Variants in TTC7A observed in about 807,000 individuals in gnomAD.
TTC7A encodes the protein tetratricopeptide repeat domain 7A, also known as tetratricopeptide repeat protein 7A.
In TTC7A, 110 loss-of-function variants were observed where a neutral mutation model predicts 103.7. The ratio of observed to expected loss-of-function variants is 1.06; its 90% CI spans 0.91 to 1.24. TTC7A has a LOEUF of 1.24. Among genes scored for constraint, TTC7A ranks in the 50% most tolerant of loss-of-function variants. The pLI, the probability that TTC7A is intolerant of heterozygous loss-of-function variation, is 0.00. For synonymous variants in TTC7A, 521 were observed against 467.9 expected, an observed-to-expected ratio of 1.11 and a Z score of -1.47; for missense variants, 1,340 against 1,116.3, an observed-to-expected ratio of 1.20 and a Z score of -2.86.
intron 18 of TTC7A, among the ~76,000 whole-genome samples, chr2:47,059,727 C>T (rs1277113865): frequency 6.6e-6 from 1 of 152,158 alleles, no homozygotes; most frequent in African/African-American, 2.4e-5. Flanking sequence ...GCTCAGGGGA[C>T]GCCACATCCC....
At chr2:47,023,842 C>T (rs778977728) in intron 13 of TTC7A, among the ~76,000 whole-genome samples, 2 of 152,060 alleles carry the variant, frequency 1.3e-5, no homozygotes, top group Admixed American at 6.5e-5. Flanking sequence ...TAGCTCCTCC[C>T]CAGCCACCCC....
At chr2:46,999,255 T>C (rs72872910) in intron 8 of TTC7A, among the ~76,000 whole-genome samples, 16,038 of 148,378 alleles carry the variant, frequency 0.11, 956 homozygotes, top group Admixed American at 0.14. Flanking sequence ...TCCCCCTACC[T>C]ATTCATCCAT....
Position 47,073,717 on chromosome 2 carries a change from C to T in TTC7A, c.2371C>T (p.Arg791Trp), listed in dbSNP as rs762546562. Residue 791 changes from arginine to tryptophan, a missense_variant, in exon 20 of 20, where the codon CGG becomes TGG. Coordinates refer to ENST00000319190, the MANE Select transcript of TTC7A (RefSeq NM_020458.4). ...TCGTCCACAGGGTCTGATGCTGAGT[C>T]GGCTGGGCCACAAGAGCTTGGCCCA... is the stretch of plus-strand genomic sequence containing the variant. ...IMHSLGLMLS[R>W]LGHKSLAQKV... is the part of the protein sequence containing the mutation. The T allele has an allele frequency of 9.9e-6, 16 of 1,613,764 alleles. No individual in the cohort carries two copies. Among genetic ancestry groups the T allele is most frequent in the Middle Eastern group, 1.7e-4 (1 of 6,060 alleles).
intron 3 of TTC7A, among the ~76,000 whole-genome samples, chr2:46,957,536 T>G (rs1057264859): frequency 6.6e-6 from 1 of 152,148 alleles, no homozygotes; most frequent in African/African-American, 2.4e-5. Context: ...TGAGACCCAG[T>G]GATGAACAGG....
intron 8 of TTC7A, among the ~76,000 whole-genome samples, chr2:47,001,578 C>T (rs1397526926): frequency 1.3e-5 from 2 of 152,100 alleles, no homozygotes; most frequent in Non-Finnish European, 2.9e-5. Context: ...TAATGCAGGC[C>T]GGGAGCGGTG....
rs148834702 is a variant in TTC7A at position 47,006,581 on chromosome 2, G to T, written c.1204-60G>T. 0.05 allele frequency: 72,711 copies of T among 1,448,024 alleles called. 2,040 individuals carry two copies. The highest frequency in any genetic ancestry group is 0.07 in the Middle Eastern group (399 of 5,738). The allele number at this position is 1,448,024 out of a possible 1,614,324, so 89.7% of individuals were successfully genotyped here. On this transcript the variant is annotated intron_variant, in intron 9 of 19. Coordinates refer to ENST00000319190, the MANE Select transcript of TTC7A (RefSeq NM_020458.4). ...TGGGCAGTAACTACCCTGGAAGGGT[G>T]CGGATGGCTGGGGTGGGAGGACCCC... is the stretch of plus-strand genomic sequence containing the variant.
At chr2:46,983,436 A>G (rs1026033582) in intron 5 of TTC7A, among the ~76,000 whole-genome samples, 1 of 151,646 alleles carries the variant, frequency 6.6e-6, no homozygotes, top group Non-Finnish European at 1.5e-5. Context: ...GGAGATCACC[A>G]CTCCCCCACG....
intron 8 of TTC7A, among the ~76,000 whole-genome samples, chr2:47,004,345 C>T (rs1226610169): frequency 6.6e-6 from 1 of 152,170 alleles, no homozygotes; most frequent in Non-Finnish European, 1.5e-5. Context: ...CCCTGCGCTG[C>T]AGGACACACC....
intron 1 of TTC7A, among the ~76,000 whole-genome samples, chr2:46,945,985 G>C (rs1300862611): frequency 1.3e-5 from 2 of 152,182 alleles, no homozygotes; most frequent in Non-Finnish European, 2.9e-5. Flanking sequence ...TTTCCTGACT[G>C]TGAATGGGTG....
chr2:47,008,016 GC>G (rs1280124110), intron 10 of TTC7A, among the ~76,000 whole-genome samples: 1 of 152,212 alleles, frequency 6.6e-6, no homozygotes, highest in Non-Finnish European at 1.5e-5. Context: ...AGACGAGCTG[GC>G]CGTGGGGATG....
chr2:46,926,182 G>A (rs546434671), intron 2 of TTC7A, among the ~76,000 whole-genome samples: 65 of 152,320 alleles, frequency 4.3e-4, no homozygotes, highest in African/African-American at 1.5e-3. Flanking sequence ...GTTGTGAGTC[G>A]TGAAGACTTT....
At chr2:47,002,512 G>A (rs2104433376) in intron 8 of TTC7A, among the ~76,000 whole-genome samples, 1 of 149,394 alleles carries the variant, frequency 6.7e-6, no homozygotes, top group South Asian at 2.1e-4. Flanking sequence ...GAGTGTGGCT[G>A]GGACTAGGTC....
At chr2:47,003,271 G>A (rs1275763303) in intron 8 of TTC7A, among the ~76,000 whole-genome samples, 2 of 152,156 alleles carry the variant, frequency 1.3e-5, no homozygotes, top group Admixed American at 6.5e-5. Context: ...AACCAGACGG[G>A]GGCATGTGAG....
At position 47,051,838 on chromosome 2, in the gene TTC7A, A is replaced by G. The variant is rs537228586; in HGVS notation, c.2110A>G (p.Met704Val). ...CTCTTCGGTCCTGAAGCAGGGCCCC[A>G]TGCAGCTGTGGACCACGCTGGAACA... ...MPSSVLKQGP[M>V]QLWTTLEQIW... Residue 704 changes from methionine (M) to valine (V), a missense_variant, in exon 18 of 20, where the codon ATG (methionine) becomes GTG (valine). Physicochemically the swap from Met to Val is conservative, Grantham distance 21. Transcript: ENST00000319190. 3.1e-6 allele frequency: 5 copies of G among 1,612,162 alleles called. No individual in the cohort carries two copies. Among genetic ancestry groups the G allele is most frequent in the Admixed American group, 3.3e-5 (2 of 60,008 alleles).
At chr2:47,043,031 A>G (rs1681931809) in intron 15 of TTC7A, among the ~76,000 whole-genome samples, 1 of 152,132 alleles carries the variant, frequency 6.6e-6, no homozygotes, top group Non-Finnish European at 1.5e-5. Flanking sequence ...TGAGGGCCCC[A>G]GAATGTCACC....
intron 19 of TTC7A, among the ~76,000 whole-genome samples, chr2:47,063,037 A>T (rs1683915718): frequency 6.6e-6 from 1 of 152,226 alleles, no homozygotes; most frequent in Admixed American, 6.5e-5. Context: ...CCTGGGGAAG[A>T]TTTGCTAAGC....
intron 19 of TTC7A, chr2:47,065,821 A>T (rs1406903383): frequency 4.2e-5 from 4 of 96,018 alleles, no homozygotes; most frequent in African/African-American, 1.2e-4. Context: ...GCTTGTCTGC[A>T]CTGCAAGAGA....
At position 47,074,136 on chromosome 2, in the gene TTC7A, G is replaced by A; in HGVS notation, c.*213G>A. The A allele has an allele frequency of 1.7e-6, 1 of 589,608 alleles. No individual in the cohort carries two copies. The highest frequency in any genetic ancestry group is 2.0e-5 in the South Asian group (1 of 49,668). The allele number at this position is 589,608 out of a possible 1,614,324, so 36.5% of individuals were successfully genotyped here. A position where few individuals can be genotyped will look rare whatever the true frequency, so the allele number is the denominator to read the frequency against. On this transcript the variant is annotated 3_prime_UTR_variant, in exon 20 of 20. Coordinates refer to ENST00000319190, the MANE Select transcript of TTC7A (RefSeq NM_020458.4). ...GGTGCCTTGGGAAACAGTCTGACTT[G>A]AACCCTAAGTGCCTTTGGAGAGTTT...
At chr2:46,995,908 G>T (rs2104395862) in intron 8 of TTC7A, among the ~76,000 whole-genome samples, 2 of 152,370 alleles carry the variant, frequency 1.3e-5, no homozygotes, top group Middle Eastern at 3.4e-3. Flanking sequence ...GTCCACGCGT[G>T]AATGCTATGG....
Sources: gnomAD v4.1 joint callset for allele counts (sites outside exome capture counted in the v4.1 genomes callset) on GRCh38, gnomAD v4.1.1 for gene constraint, MANE v1.5 for transcripts, NCBI Gene and HGNC (gene_info 2026-07-23, HGNC 2026-07-21) for gene names.